The following FOXN3 variants were observed in gnomAD, a reference collection of about 807,000 sequenced individuals.
The protein encoded by FOXN3 is forkhead box protein N3.
Under a neutral mutation model 38.4 loss-of-function variants are expected in FOXN3, and 7 were observed. The ratio of observed to expected loss-of-function variants is 0.18; its 90% CI spans 0.10 to 0.34. The LOEUF is 0.34. FOXN3 is among the 10% of genes least tolerant of loss of function. The pLI is 1.00. For synonymous variants in FOXN3, 230 were observed against 242.2 expected, an observed-to-expected ratio of 0.95 and a Z score of 0.47; for missense variants, 456 against 613.4, an observed-to-expected ratio of 0.74 and a Z score of 2.71.
At chr14:89,550,020 G>T (rs536388152) in intron 1 of FOXN3, among the ~76,000 whole-genome samples, 1 of 152,326 alleles carries the variant, frequency 6.6e-6, no homozygotes, top group Admixed American at 6.5e-5. Context: ...AGCAGGACTA[G>T]AGAGTTTTGC....
intron 1 of FOXN3, among the ~76,000 whole-genome samples, chr14:89,450,672 G>A (rs569904812): frequency 1.3e-4 from 19 of 150,756 alleles, no homozygotes; most frequent in South Asian, 8.4e-4. Context: ...TGTAACATCC[G>A]CCTCCAGGGT....
chr14:89,407,037 G>GT (rs1357720875), intron 2 of FOXN3, among the ~76,000 whole-genome samples: 3 of 150,944 alleles, frequency 2.0e-5, no homozygotes, highest in South Asian at 2.1e-4. Flanking sequence ...ATTTTATAGA[G>GT]TAGGGAACAG....
Position 89,157,534 on chromosome 14 carries a change from G to A in FOXN3, c.*4880C>T, listed in dbSNP as rs1295696647. The A allele has an allele frequency of 6.6e-6, 1 of 152,594 alleles. No individual in the cohort carries two copies. The highest frequency in any genetic ancestry group is 1.5e-5 in the Non-Finnish European group (1 of 68,042). The allele number at this position is 152,594 out of a possible 1,614,324, so 9.5% of individuals were successfully genotyped here. ...CTATACAGAACACTGAATGCCATGTGTAAATCCTCATGAAACTCCAGAAAC... is the reference window on the plus strand; with the variant it reads ...CTATACAGAACACTGAATGCCATGTATAAATCCTCATGAAACTCCAGAAAC... On this transcript the variant is annotated 3_prime_UTR_variant, in exon 6 of 6. Transcript: ENST00000557258.
intron 1 of FOXN3, among the ~76,000 whole-genome samples, chr14:89,427,216 G>A (rs1204674467): frequency 7.2e-6 from 1 of 138,662 alleles, no homozygotes. Context: ...TCGACAGAGT[G>A]AGCCTCTGTC....
chr14:89,199,004 G>A (rs1208354922), intron 4 of FOXN3, among the ~76,000 whole-genome samples: 1 of 152,204 alleles, frequency 6.6e-6, no homozygotes, highest in African/African-American at 2.4e-5. Context: ...ACTGAAGTAA[G>A]TAAGAGCCAT....
chr14:89,187,610 G>A (rs1287737463), intron 4 of FOXN3, among the ~76,000 whole-genome samples: 2 of 152,200 alleles, frequency 1.3e-5, no homozygotes, highest in African/African-American at 4.8e-5. Flanking sequence ...TCTCCCTTAA[G>A]AAGGCAAAGG....
intron 1 of FOXN3, among the ~76,000 whole-genome samples, chr14:89,595,775 A>T (rs1203414082): frequency 6.6e-6 from 1 of 152,214 alleles, no homozygotes; most frequent in African/African-American, 2.4e-5. Flanking sequence ...TCCTACTCTC[A>T]AAGGGAAACT....
chr14:89,325,214 GCACCACCAC>G (rs756831446), intron 3 of FOXN3, among the ~76,000 whole-genome samples: 2 of 140,136 alleles, frequency 1.4e-5, no homozygotes, highest in Non-Finnish European at 3.1e-5. Flanking sequence ...CAACACACAT[GCACCACCAC>G]CACCACCATC....
intron 1 of FOXN3, among the ~76,000 whole-genome samples, chr14:89,453,626 G>A (rs968858147): frequency 5.4e-5 from 8 of 147,552 alleles, no homozygotes; most frequent in African/African-American, 1.2e-4. Flanking sequence ...AAATATGTAC[G>A]ACCATCGTGT....
At chr14:89,205,620 G>A (rs1350837199) in intron 4 of FOXN3, among the ~76,000 whole-genome samples, 2 of 152,238 alleles carry the variant, frequency 1.3e-5, no homozygotes, top group African/African-American at 2.4e-5. Context: ...GTGGTTGGAG[G>A]AGAGTCTGCT....
At chr14:89,409,355 G>GGGGT (rs1199043115) in intron 2 of FOXN3, 2 of 146,892 alleles carry the variant, frequency 1.4e-5, no homozygotes, top group African/African-American at 5.0e-5. Context: ...TGGGGGACGG[G>GGGGT]GGGGTCGCAT....
intron 3 of FOXN3, among the ~76,000 whole-genome samples, chr14:89,294,824 A>G (rs1227310251): frequency 1.3e-5 from 2 of 152,222 alleles, no homozygotes; most frequent in Non-Finnish European, 1.5e-5. Flanking sequence ...AAAAATGGGC[A>G]GCCAGCAGCC....
In FOXN3 at chr14:89,161,046, T is replaced by C. The variant is rs973864348; in HGVS notation, c.*1368A>G. Reference sequence around the variant, plus strand: ...ATTTTCTATATTTATATGAAAATAATTCATGCTTCATGCTAAATACATTAT... The same window carrying C: ...ATTTTCTATATTTATATGAAAATAACTCATGCTTCATGCTAAATACATTAT... On this transcript the variant is annotated 3_prime_UTR_variant, in exon 6 of 6. Coordinates refer to ENST00000557258, the MANE Select transcript of FOXN3 (RefSeq NM_005197.4). 1 of 152,304 alleles carries C rather than the reference T, an allele frequency of 6.6e-6. No individual in the cohort carries two copies. Among genetic ancestry groups the C allele is most frequent in the Non-Finnish European group, 1.5e-5 (1 of 68,022 alleles). The allele number at this position is 152,304 out of a possible 1,614,324, so 9.4% of individuals were successfully genotyped here. A position where few individuals can be genotyped will look rare whatever the true frequency, so the allele number is the denominator to read the frequency against.
intron 4 of FOXN3, among the ~76,000 whole-genome samples, chr14:89,187,583 A>G (rs1887840433): frequency 6.6e-6 from 1 of 152,188 alleles, no homozygotes; most frequent in South Asian, 2.1e-4. Context: ...CTGCCTAATC[A>G]TTCTGCCTGT....
At chr14:89,610,776 G>T (rs1377145520) in intron 1 of FOXN3, among the ~76,000 whole-genome samples, 1 of 152,216 alleles carries the variant, frequency 6.6e-6, no homozygotes, top group Non-Finnish European at 1.5e-5. Context: ...CACAGTTCCT[G>T]GTATGCAGTA....
chr14:89,412,394 C>A lies in FOXN3; in HGVS notation c.83G>T (p.Gly28Val). 1 of 1,614,150 alleles carries A rather than the reference C, an allele frequency of 6.2e-7. No homozygotes were observed. Reference protein sequence around the residue: ...VSSGLSQCYGGSGFSKALQED... With the variant: ...VSSGLSQCYGVSGFSKALQED... ...CTGAAGGGCCTTGGAGAAACCGCTG[C>A]CCCCGTAACACTGACTCAGTCCACT... The change falls in exon 2 of 6, where the codon GGC becomes GTC. Residue 28 changes from glycine (G) to valine (V), a missense_variant. Around this residue, in one of 3 missense-constraint regions of FOXN3, gnomAD observed 59 missense variants for 69.0 expected, o/e 0.85. Coordinates refer to ENST00000557258, the MANE Select transcript of FOXN3 (RefSeq NM_005197.4). The surrounding 1 kb of genome is among the most constrained non-coding windows in gnomAD (Gnocchi z 4.7).
intron 3 of FOXN3, among the ~76,000 whole-genome samples, chr14:89,282,003 T>C (rs573398711): frequency 3.8e-4 from 58 of 152,306 alleles, no homozygotes; most frequent in African/African-American, 1.4e-3. Flanking sequence ...TCTGAAGGGC[T>C]ATACGGTGAA....
intron 1 of FOXN3, among the ~76,000 whole-genome samples, chr14:89,557,902 AGGCT>A (rs759540223): frequency 1.3e-5 from 2 of 152,148 alleles, no homozygotes; most frequent in African/African-American, 2.4e-5. Context: ...GCTACTTGGG[AGGCT>A]GAGGCAGGAG....
chr14:89,167,044 G>C (rs995845756), intron 5 of FOXN3, among the ~76,000 whole-genome samples: 2 of 152,224 alleles, frequency 1.3e-5, no homozygotes, highest in Admixed American at 1.3e-4. Context: ...CTGAATTTAT[G>C]TGTAACGATA....
Sources: allele counts gnomAD v4.1 joint callset (sites outside exome capture counted in the v4.1 genomes callset), GRCh38; gene constraint gnomAD v4.1.1; regional missense constraint gnomAD v4.1.1; non-coding constraint Gnocchi (gnomAD v3.1); transcripts MANE v1.5; gene names NCBI Gene and HGNC (gene_info 2026-07-23, HGNC 2026-07-21).